The following C4orf51 variants were observed in gnomAD, a reference collection of about 807,000 sequenced individuals.
C4orf51 encodes chromosome 4 open reading frame 51.
C4orf51 carries 25 observed loss-of-function variants against 25.2 expected under a neutral mutation model. The observed-to-expected ratio is 0.99, with a 90% confidence interval of 0.72 to 1.39. The LOEUF is 1.39. C4orf51 is among the 40% of genes most tolerant of loss of function. The probability of loss-of-function intolerance (pLI) is 0.00; values close to 1 mark genes in which losing one functional copy is unlikely to be tolerated. For synonymous variants in C4orf51, 100 were observed against 84.5 expected, an observed-to-expected ratio of 1.18 and a Z score of -1.01; for missense variants, 252 against 239.6, an observed-to-expected ratio of 1.05 and a Z score of -0.34.
In C4orf51 at chr4:145,765,200, G is replaced by A. The variant is rs1735098431; in HGVS notation, n.167-5788G>A. On this transcript the variant is annotated intron_variant and non_coding_transcript_variant, in intron 1 of 1. Transcript: ENST00000510096. This position sits in a 1 kb window ranked among gnomAD's most constrained non-coding sequence, Gnocchi z 4.7. Reference sequence around the variant, plus strand: ...CCGAAGCTGGGTATAGAGGTGCACAGGGCAGCGGGGAGAGGAGGGCAGGAG... The same window carrying A: ...CCGAAGCTGGGTATAGAGGTGCACAAGGCAGCGGGGAGAGGAGGGCAGGAG... The A allele has an allele frequency of 3.2e-6, 5 of 1,553,068 alleles. No individual in the cohort carries two copies. Among genetic ancestry groups the A allele is most frequent in the Non-Finnish European group, 4.4e-6 (5 of 1,147,452 alleles).
chr4:145,775,727 T>C, downstream of C4orf51: 1 of 1,593,442 alleles, frequency 6.3e-7, no homozygotes, highest in Non-Finnish European at 8.6e-7. Context: ...AGCAGACAGG[T>C]AGGAAGTGTT....
At chr4:145,744,189 G>A (rs1379024500) in intron 1 of C4orf51, among the ~76,000 whole-genome samples, 1 of 152,050 alleles carries the variant, frequency 6.6e-6, no homozygotes, top group Non-Finnish European at 1.5e-5. Flanking sequence ...TTAGCGTGGA[G>A]GGGGAATCTT....
intron 1 of C4orf51, among the ~76,000 whole-genome samples, chr4:145,693,383 G>A (rs978279635): frequency 2.4e-4 from 37 of 151,382 alleles, no homozygotes; most frequent in African/African-American, 8.7e-4. Flanking sequence ...CCAAGGCAGA[G>A]GAATTTTTCT....
the C4orf51 span, among the ~76,000 whole-genome samples, chr4:145,787,313 A>G: frequency 3.3e-5 from 5 of 152,104 alleles, no homozygotes; most frequent in African/African-American, 1.2e-4. Context: ...AAATACACAA[A>G]TTAGCTGAGC....
chr4:145,774,478 T>C (rs767108186), downstream of C4orf51: 7 of 1,593,940 alleles, frequency 4.4e-6, no homozygotes, highest in South Asian at 7.9e-5. Context: ...GGAGAAGGAG[T>C]GTGAGAAGGA....
downstream of C4orf51, among the ~76,000 whole-genome samples, chr4:145,775,115 C>A (rs887850030): frequency 1.3e-5 from 2 of 152,152 alleles, no homozygotes; most frequent in African/African-American, 4.8e-5. Flanking sequence ...GCAATGAAAG[C>A]ACCTACAGTT....
chr4:145,728,026 A>AT (rs1732200392), intron 3 of C4orf51, among the ~76,000 whole-genome samples: 2 of 122,632 alleles, frequency 1.6e-5, no homozygotes, highest in Admixed American at 1.0e-4. Context: ...TATATAATAT[A>AT]TATTATATAT....
the C4orf51 span, among the ~76,000 whole-genome samples, chr4:145,790,204 C>T: frequency 6.6e-6 from 1 of 152,108 alleles, no homozygotes; most frequent in Non-Finnish European, 1.5e-5. Context: ...AAAATATGGG[C>T]ACATATGAGA....
downstream of C4orf51, among the ~76,000 whole-genome samples, chr4:145,734,997 C>T (rs570085225): frequency 1.7e-4 from 26 of 152,332 alleles, no homozygotes; most frequent in African/African-American, 6.0e-4. Flanking sequence ...AGAGCCCAGG[C>T]ACAAGGCCAT....
chr4:145,784,354 T>C, the C4orf51 span, among the ~76,000 whole-genome samples: 2 of 152,230 alleles, frequency 1.3e-5, no homozygotes, highest in African/African-American at 4.8e-5. Flanking sequence ...CCACCGTTGG[T>C]TGGGTTTTCT....
intron 1 of C4orf51, among the ~76,000 whole-genome samples, chr4:145,737,996 CTG>C (rs1233683561): frequency 6.6e-6 from 1 of 152,036 alleles, no homozygotes; most frequent in East Asian, 1.9e-4. Flanking sequence ...AGGAAAGAAA[CTG>C]TGTGGCTTGA....
chr4:145,690,498 C>T (rs964045185), intron 1 of C4orf51, among the ~76,000 whole-genome samples: 3 of 151,584 alleles, frequency 2.0e-5, no homozygotes, highest in African/African-American at 4.9e-5. Flanking sequence ...AGTGAGACTC[C>T]ATCTCAAAAT....
downstream of C4orf51, among the ~76,000 whole-genome samples, chr4:145,755,874 AG>A (rs960860141): frequency 3.3e-5 from 5 of 152,196 alleles, no homozygotes; most frequent in African/African-American, 1.2e-4. Flanking sequence ...TAAATCTCCA[AG>A]GGACTCCTTT....
the C4orf51 span, among the ~76,000 whole-genome samples, chr4:145,779,696 G>A: frequency 6.6e-6 from 1 of 152,164 alleles, no homozygotes; most frequent in Admixed American, 6.5e-5. Context: ...TGAAAGCTGC[G>A]GTGGCAAGTG....
intron 1 of C4orf51, among the ~76,000 whole-genome samples, chr4:145,746,619 T>G (rs1733384915): frequency 6.6e-6 from 1 of 152,220 alleles, no homozygotes; most frequent in African/African-American, 2.4e-5. Flanking sequence ...ACTACAGCCA[T>G]GTAGTGTAAT....
At chr4:145,694,165 G>A (rs1246338589) in intron 1 of C4orf51, among the ~76,000 whole-genome samples, 2 of 147,018 alleles carry the variant, frequency 1.4e-5, no homozygotes, top group Admixed American at 6.7e-5. Context: ...CATCCCAGAC[G>A]ATGTGCGGCC....
At chr4:145,716,483 C>G (rs1469715345) in intron 2 of C4orf51, among the ~76,000 whole-genome samples, 3 of 152,356 alleles carry the variant, frequency 2.0e-5, no homozygotes, top group Admixed American at 1.3e-4. Context: ...TGGAAGGGAA[C>G]AGCTGGCCAT....
At chr4:145,714,147 T>C (rs149401817) in intron 2 of C4orf51, among the ~76,000 whole-genome samples, 197 of 152,336 alleles carry the variant, frequency 1.3e-3, no homozygotes, top group African/African-American at 4.7e-3. Flanking sequence ...TAAACATAAC[T>C]TCTATGTGCA....
chr4:145,715,659 C>T (rs116904844), intron 2 of C4orf51, among the ~76,000 whole-genome samples: 2 of 152,202 alleles, frequency 1.3e-5, no homozygotes, highest in East Asian at 3.9e-4. Context: ...AAAATCAATC[C>T]GTCCATGGGG....
Sources: gnomAD v4.1 joint callset for allele counts (sites outside exome capture counted in the v4.1 genomes callset) on GRCh38, gnomAD v4.1.1 for gene constraint, Gnocchi (gnomAD v3.1) non-coding constraint, MANE v1.5 for transcripts, NCBI Gene and HGNC (gene_info 2026-07-23, HGNC 2026-07-21) for gene names.